GLIS3: variants seen among roughly 807,000 people sequenced by gnomAD.
GLIS3 encodes zinc finger protein GLIS3.
In GLIS3, 53 loss-of-function variants were observed where a neutral mutation model predicts 78.6. That is an observed-to-expected ratio of 0.67 (90% CI 0.54 to 0.85). The LOEUF is 0.85. GLIS3 is among the 40% of genes least tolerant of loss of function. The probability of loss-of-function intolerance (pLI) is 0.00; values close to 1 mark genes in which losing one functional copy is unlikely to be tolerated. For missense variants in GLIS3, 1,703 were observed against 1,231.1 expected (o/e 1.38, Z -5.74); for synonymous variants, 684 against 509.9 (o/e 1.34, Z -4.60).
At position 3,828,401 on chromosome 9, in the gene GLIS3, A is replaced by T. The variant is rs756029392; in HGVS notation, c.2664T>A (p.Asp888Glu). Reference protein sequence around the residue: ...FSTHSGITVYDLPSSSSSLFG... With the variant: ...FSTHSGITVYELPSSSSSLFG... ...AGAGGCTCGAGGAACTTGAAGGTAA[A>T]TCATACACTGGAAGAGAAAGAACGC... The change falls in exon 11 of 11, where the codon GAT becomes GAA. Residue 888 changes from aspartate (D) to glutamate (E), a missense_variant. By Grantham distance (45) the Asp-to-Glu change is conservative (BLOSUM62 2). Transcript: ENST00000381971. 3.1e-6 allele frequency: 5 copies of T among 1,613,192 alleles called. No homozygotes were observed. The highest frequency in any genetic ancestry group is 1.7e-5 in the Admixed American group (1 of 60,036).
intron 2 of GLIS3, among the ~76,000 whole-genome samples, chr9:4,149,520 T>G (rs1834503403): frequency 6.6e-6 from 1 of 152,214 alleles, no homozygotes; most frequent in Non-Finnish European, 1.5e-5. Context: ...ACGCGGAGCC[T>G]CCAACCTCTT....
At position 3,995,190 on chromosome 9, in the gene GLIS3, A is replaced by C. The variant is rs560199761; in HGVS notation, c.1711-58001T>G. Among the ~76,000 whole-genome samples, 5 of 152,196 alleles carry C rather than the reference A, an allele frequency of 3.3e-5. No homozygotes were observed. The South Asian group carries it at 1.0e-3, about 32-fold the overall frequency. On this transcript the variant is annotated intron_variant, in intron 4 of 10. Transcript: ENST00000381971. ...GTCTTGGCTCTTGGTGGGGAAGGGA[A>C]AAATGAGTCTCTTAAGGATTTTTAA...
Position 4,060,414 on chromosome 9 carries a change from T to C in GLIS3, c.1710+57354A>G, listed in dbSNP as rs544462952. ...ACTTTACTTCTTCCCAGCTCACTAATAGGTGGTGTTATGATTTAATATTTG... is the reference window on the plus strand; with the variant it reads ...ACTTTACTTCTTCCCAGCTCACTAACAGGTGGTGTTATGATTTAATATTTG... On this transcript the variant is annotated intron_variant, in intron 4 of 10. Transcript: ENST00000381971. Among the ~76,000 whole-genome samples the C allele has an allele frequency of 1.8e-3, 273 of 152,286 alleles. 1 individual carries two copies. The highest frequency in any genetic ancestry group is 6.3e-3 in the African/African-American group (261 of 41,570).
At chr9:4,238,689 C>T (rs377320001) in intron 2 of GLIS3, among the ~76,000 whole-genome samples, 1 of 152,186 alleles carries the variant, frequency 6.6e-6, no homozygotes, top group African/African-American at 2.4e-5. Context: ...GTCTGTGTGT[C>T]ATTCCTCATG....
At chr9:4,084,164 A>C (rs1828798154) in intron 4 of GLIS3, among the ~76,000 whole-genome samples, 1 of 151,798 alleles carries the variant, frequency 6.6e-6, no homozygotes, top group Non-Finnish European at 1.5e-5. Flanking sequence ...CTCCTTTGGG[A>C]GGGGAGAAAA....
intron 2 of GLIS3, among the ~76,000 whole-genome samples, chr9:4,162,848 C>T (rs1247752341): frequency 9.6e-6 from 1 of 104,170 alleles, no homozygotes; most frequent in Non-Finnish European, 1.9e-5. Context: ...CAGAGTCTCG[C>T]TCTGTCAAAA....
chr9:3,912,439 T>A (rs1194696177), intron 6 of GLIS3, among the ~76,000 whole-genome samples: 1 of 152,140 alleles, frequency 6.6e-6, no homozygotes, highest in Non-Finnish European at 1.5e-5. Flanking sequence ...ACAACAAAAC[T>A]TTTTAGAACA....
the GLIS3 span, among the ~76,000 whole-genome samples, chr9:4,373,361 A>C: frequency 6.6e-6 from 1 of 152,154 alleles, no homozygotes; most frequent in Non-Finnish European, 1.5e-5. Flanking sequence ...CTCAAGATTC[A>C]CTGAAGAACT....
chr9:4,112,356 C>T (rs1831287181), intron 4 of GLIS3, among the ~76,000 whole-genome samples: 1 of 152,204 alleles, frequency 6.6e-6, no homozygotes, highest in Admixed American at 6.5e-5. Context: ...TACTGTCAGG[C>T]CATTGAGAAT....
the GLIS3 span, among the ~76,000 whole-genome samples, chr9:4,445,447 T>C: frequency 6.6e-6 from 1 of 152,066 alleles, no homozygotes; most frequent in Non-Finnish European, 1.5e-5. Context: ...GGCAACATAG[T>C]GGGACCTAGT....
chr9:4,375,002 T>A, the GLIS3 span, among the ~76,000 whole-genome samples: 1 of 152,136 alleles, frequency 6.6e-6, no homozygotes, highest in Non-Finnish European at 1.5e-5. Flanking sequence ...TCAACCCCCC[T>A]ACTGTTGGAC....
intron 2 of GLIS3, among the ~76,000 whole-genome samples, chr9:4,150,515 C>T (rs1283558823): frequency 6.6e-6 from 1 of 152,226 alleles, no homozygotes; most frequent in African/African-American, 2.4e-5. Context: ...ATCTAGCACA[C>T]AGCCTGGCAC....
chr9:4,414,677 T>TC, the GLIS3 span, among the ~76,000 whole-genome samples: 1 of 152,078 alleles, frequency 6.6e-6, no homozygotes, highest in Non-Finnish European at 1.5e-5. Context: ...CTCAACCACC[T>TC]CCTCCTAGCC....
intron 4 of GLIS3, among the ~76,000 whole-genome samples, chr9:4,069,038 A>G (rs1333873113): frequency 6.6e-6 from 1 of 152,174 alleles, no homozygotes; most frequent in Admixed American, 6.5e-5. Context: ...TGTCAGGCCA[A>G]TAGAGTTAGT....
the GLIS3 span, among the ~76,000 whole-genome samples, chr9:4,392,427 G>C: frequency 6.6e-6 from 1 of 152,084 alleles, no homozygotes; most frequent in African/African-American, 2.4e-5. Flanking sequence ...AATAACAAAT[G>C]TTTATCTTTC....
chr9:3,830,632 T>C (rs571684542), intron 9 of GLIS3, among the ~76,000 whole-genome samples: 1 of 152,322 alleles, frequency 6.6e-6, no homozygotes, highest in South Asian at 2.1e-4. Flanking sequence ...ATAGAGGAAG[T>C]ACCCCAGGAT....
At chr9:3,998,665 T>C (rs1399393702) in intron 4 of GLIS3, among the ~76,000 whole-genome samples, 1 of 151,470 alleles carries the variant, frequency 6.6e-6, no homozygotes, top group Non-Finnish European at 1.5e-5. Context: ...CTATGTAATC[T>C]ATTTGATATA....
At chr9:4,101,708 C>G (rs1830385223) in intron 4 of GLIS3, among the ~76,000 whole-genome samples, 1 of 152,144 alleles carries the variant, frequency 6.6e-6, no homozygotes, top group Admixed American at 6.5e-5. Flanking sequence ...AAAGTTTAAT[C>G]TTATAAGCAC....
At chr9:4,265,337 A>G (rs1312714281) in intron 2 of GLIS3, among the ~76,000 whole-genome samples, 1 of 152,052 alleles carries the variant, frequency 6.6e-6, no homozygotes, top group Non-Finnish European at 1.5e-5. Flanking sequence ...AAATTCTAGC[A>G]TAATGTATCG....
Sources: allele counts gnomAD v4.1 joint callset (sites outside exome capture counted in the v4.1 genomes callset), GRCh38; gene constraint gnomAD v4.1.1; transcripts MANE v1.5; gene names NCBI Gene and HGNC (gene_info 2026-07-23, HGNC 2026-07-21).